The following ALOX5 variants were observed in gnomAD, a reference collection of about 807,000 sequenced individuals.
ALOX5 encodes the protein arachidonate 5-lipoxygenase.
In ALOX5, 64 loss-of-function variants were observed where a neutral mutation model predicts 87.9. That is an observed-to-expected ratio of 0.73 (90% CI 0.60 to 0.90). The LOEUF is 0.90. ALOX5 is among the 40% of genes least tolerant of loss of function. The pLI, the probability that ALOX5 is intolerant of heterozygous loss-of-function variation, is 0.00. For missense variants in ALOX5, 822 were observed against 907.5 expected (o/e 0.91, Z 1.21); for synonymous variants, 388 against 355.1 (o/e 1.09, Z -1.04).
chr10:45,377,924 A>G (rs569832210), intron 1 of ALOX5, among the ~76,000 whole-genome samples: 1 of 152,358 alleles, frequency 6.6e-6, no homozygotes, highest in South Asian at 2.1e-4. Flanking sequence ...GCAACAAGCA[A>G]AATCAGCAAA....
chr10:45,416,500 G>A (rs113526890), intron 4 of ALOX5, among the ~76,000 whole-genome samples: 55 of 152,348 alleles, frequency 3.6e-4, no homozygotes, highest in African/African-American at 1.3e-3. Flanking sequence ...TCAAAGCCAT[G>A]TAGCTTTAGT....
chr10:45,423,976 T>C lies in ALOX5; in HGVS notation c.555-65T>C, dbSNP rs533458460. ...TGTGAGGACCCCTGAGAGCTTGGTG[T>C]GAAGGGGCTCTGCAGAGGGAGGCAT... On this transcript the variant is annotated intron_variant, in intron 4 of 13. Coordinates refer to ENST00000374391, the MANE Select transcript of ALOX5 (RefSeq NM_000698.5). 197 of 1,314,288 alleles carry C rather than the reference T, an allele frequency of 1.5e-4. 4 individuals are homozygous for C. In the South Asian group the frequency reaches 2.2e-3, roughly 15 times the overall value. The allele number at this position is 1,314,288 out of a possible 1,614,324, so 81.4% of individuals were successfully genotyped here. A position where few individuals can be genotyped will look rare whatever the true frequency, so the allele number is the denominator to read the frequency against.
At chr10:45,378,563 G>A (rs1360267622) in intron 1 of ALOX5, among the ~76,000 whole-genome samples, 1 of 152,230 alleles carries the variant, frequency 6.6e-6, no homozygotes, top group Non-Finnish European at 1.5e-5. Context: ...CATCAGCCCA[G>A]TGTACTTGGC....
chr10:45,422,567 C>G (rs568445070), intron 4 of ALOX5, among the ~76,000 whole-genome samples: 17 of 152,338 alleles, frequency 1.1e-4, no homozygotes, highest in African/African-American at 4.1e-4. Context: ...CACTAGAAGG[C>G]CTGGGCTCAA....
At chr10:45,390,817 C>A (rs2132699873) in intron 2 of ALOX5, among the ~76,000 whole-genome samples, 1 of 152,188 alleles carries the variant, frequency 6.6e-6, no homozygotes, top group South Asian at 2.1e-4. Context: ...CAAAAGCTAG[C>A]AGAAGGCAAG....
At chr10:45,380,240 G>T (rs1839779688) in intron 1 of ALOX5, among the ~76,000 whole-genome samples, 2 of 152,240 alleles carry the variant, frequency 1.3e-5, no homozygotes, top group African/African-American at 4.8e-5. Flanking sequence ...ATTGTCGTGG[G>T]GCCGAGGCTG....
chr10:45,423,280 G>C (rs770893459), intron 4 of ALOX5, among the ~76,000 whole-genome samples: 4 of 152,244 alleles, frequency 2.6e-5, no homozygotes, highest in Non-Finnish European at 5.9e-5. Flanking sequence ...GAGGCAACAG[G>C]CTATCTTGTT....
chr10:45,389,002 C>G (rs1202239662), intron 2 of ALOX5, among the ~76,000 whole-genome samples: 1 of 152,138 alleles, frequency 6.6e-6, no homozygotes, highest in Non-Finnish European at 1.5e-5. Context: ...CCTTAAATGA[C>G]CTGATGGAGC....
intron 4 of ALOX5, among the ~76,000 whole-genome samples, chr10:45,416,976 G>A (rs1841316850): frequency 6.6e-6 from 1 of 152,078 alleles, no homozygotes; most frequent in African/African-American, 2.4e-5. Context: ...TAATGGTGGA[G>A]TGAAGGCCAG....
chr10:45,399,769 A>G (rs543679398), intron 3 of ALOX5, among the ~76,000 whole-genome samples: 28 of 152,368 alleles, frequency 1.8e-4, no homozygotes, highest in African/African-American at 6.7e-4. Context: ...CAGAATATAT[A>G]AAGAACTCTG....
intron 3 of ALOX5, among the ~76,000 whole-genome samples, chr10:45,397,815 A>G (rs1176061966): frequency 6.6e-6 from 1 of 152,264 alleles, no homozygotes; most frequent in East Asian, 1.9e-4. Context: ...ATGAAACTAC[A>G]AAACATTGTT....
chr10:45,380,896 C>G (rs140361993), intron 1 of ALOX5, among the ~76,000 whole-genome samples: 1 of 152,152 alleles, frequency 6.6e-6, no homozygotes, highest in Admixed American at 6.5e-5. Flanking sequence ...GAGCCGAGAT[C>G]GAGCCACTGC....
intron 7 of ALOX5, among the ~76,000 whole-genome samples, chr10:45,431,470 T>C (rs1841899222): frequency 6.6e-6 from 1 of 152,014 alleles, no homozygotes. Flanking sequence ...TTTAGATAAA[T>C]ATATTTCTCA....
chr10:45,417,444 T>C (rs1052810115), intron 4 of ALOX5, among the ~76,000 whole-genome samples: 1 of 152,078 alleles, frequency 6.6e-6, no homozygotes, highest in African/African-American at 2.4e-5. Context: ...CCCCCACATA[T>C]GGTTGCATCT....
chr10:45,407,934 C>T (rs903144422), intron 3 of ALOX5, among the ~76,000 whole-genome samples: 2 of 152,190 alleles, frequency 1.3e-5, no homozygotes, highest in African/African-American at 4.8e-5. Flanking sequence ...GGCAGGTTTG[C>T]ATGACACAGT....
At position 45,444,296 on chromosome 10, in the gene ALOX5, G is replaced by T; in HGVS notation, c.1845+10G>T. ...GTTCCAGGAAAACGAGGTGAAGCTG[G>T]GCAGGGCGGGGCACAGCCCCAGGTC... On this transcript the variant is annotated intron_variant, in intron 13 of 13. Coordinates refer to ENST00000374391, the MANE Select transcript of ALOX5 (RefSeq NM_000698.5). The T allele has an allele frequency of 6.5e-7, 1 of 1,545,684 alleles. No individual in the cohort carries two copies. The highest frequency in any genetic ancestry group is 8.7e-7 in the Non-Finnish European group (1 of 1,143,712).
At chr10:45,434,114 T>C (rs1352222738) in intron 7 of ALOX5, among the ~76,000 whole-genome samples, 3 of 152,212 alleles carry the variant, frequency 2.0e-5, no homozygotes, top group African/African-American at 7.2e-5. Flanking sequence ...TTTTCCTTCA[T>C]TTCCATGCCC....
At chr10:45,407,163 C>T (rs967439534) in intron 3 of ALOX5, among the ~76,000 whole-genome samples, 7 of 151,862 alleles carry the variant, frequency 4.6e-5, no homozygotes, top group Non-Finnish European at 5.9e-5. Flanking sequence ...GCTTAGATGA[C>T]GATCTAAAAA....
intron 1 of ALOX5, among the ~76,000 whole-genome samples, chr10:45,375,323 A>T (rs1338869399): frequency 1.3e-5 from 2 of 152,112 alleles, no homozygotes; most frequent in East Asian, 3.9e-4. Context: ...TTCCATGAGC[A>T]TGGGCAGGTC....
Sources: allele counts gnomAD v4.1 joint callset (sites outside exome capture counted in the v4.1 genomes callset), GRCh38; gene constraint gnomAD v4.1.1; transcripts MANE v1.5; gene names NCBI Gene and HGNC (gene_info 2026-07-23, HGNC 2026-07-21).